POU2F1: variants seen among roughly 807,000 people sequenced by gnomAD.
POU2F1 encodes the protein POU domain, class 2, transcription factor 1.
POU2F1 carries 16 observed loss-of-function variants against 84.9 expected under a neutral mutation model. The observed-to-expected ratio is 0.19, with a 90% CI of 0.13 to 0.29. The LOEUF (loss-of-function observed/expected upper bound fraction) is 0.29, where lower values mean the gene tolerates loss of function less well. Among genes scored for constraint, POU2F1 ranks in the 10% least tolerant of loss-of-function variants. The pLI is 1.00. For missense variants in POU2F1, 738 were observed against 942.6 expected, an observed-to-expected ratio of 0.78 and a Z score of 2.84; for synonymous variants, 368 against 368.3, an observed-to-expected ratio of 1.00 and a Z score of 0.01.
chr1:167,396,150 G>A lies in POU2F1; in HGVS notation c.988-136G>A, dbSNP rs1227581655. On this transcript the variant is annotated intron_variant, in intron 9 of 15. Coordinates refer to ENST00000367866, the MANE Select transcript of POU2F1 (RefSeq NM_002697.4). Reference sequence around the variant, plus strand: ...TGGCTTAGGGATGGAGTTTATGTGGGACCCCGTAAGTGGAATAATTACTGA... The same window carrying A: ...TGGCTTAGGGATGGAGTTTATGTGGAACCCCGTAAGTGGAATAATTACTGA... The A allele has an allele frequency of 4.0e-6, 4 of 990,770 alleles. No individual in the cohort carries two copies. The African/African-American group carries it at 6.5e-5, about 16-fold the overall frequency. The allele number at this position is 990,770 out of a possible 1,614,324, so 61.4% of individuals were successfully genotyped here.
chr1:167,242,941 C>T (rs1445084193), intron 1 of POU2F1, among the ~76,000 whole-genome samples: 1 of 152,024 alleles, frequency 6.6e-6, no homozygotes, highest in East Asian at 1.9e-4. Context: ...CCTCCCCCTC[C>T]TTCCACCTGC....
intron 1 of POU2F1, among the ~76,000 whole-genome samples, chr1:167,305,508 T>TA: frequency 6.6e-6 from 1 of 152,350 alleles, no homozygotes; most frequent in South Asian, 2.1e-4. Flanking sequence ...CTGAATGTGA[T>TA]ATTTAAAATA....
chr1:167,378,785 T>G (rs2101866853), intron 7 of POU2F1, among the ~76,000 whole-genome samples: 1 of 152,204 alleles, frequency 6.6e-6, no homozygotes, highest in African/African-American at 2.4e-5. Context: ...TCTATTTGTT[T>G]GTTTGTTTTT....
intron 2 of POU2F1, among the ~76,000 whole-genome samples, chr1:167,358,751 A>C (rs1273965384): frequency 5.9e-5 from 5 of 84,106 alleles, no homozygotes; most frequent in African/African-American, 3.4e-4. Flanking sequence ...ACAGGTTCTG[A>C]CTGTGCTGCT....
intron 6 of POU2F1, 89 bp downstream of exon 6, chr1:167,374,385 G>A (rs1660193494): frequency 1.5e-6 from 2 of 1,315,560 alleles, no homozygotes; most frequent in Non-Finnish European, 1.0e-6. Context: ...TTGATTGTTA[G>A]TGTGGGGCCT....
At chr1:167,356,754 A>G (rs116226303) in intron 2 of POU2F1, among the ~76,000 whole-genome samples, 2 of 152,156 alleles carry the variant, frequency 1.3e-5, no homozygotes, top group African/African-American at 4.8e-5. Context: ...AAGAGTCCCA[A>G]GCAGGCACCG....
intron 1 of POU2F1, among the ~76,000 whole-genome samples, chr1:167,259,452 A>T (rs1478166565): frequency 6.6e-6 from 1 of 152,148 alleles, no homozygotes; most frequent in Non-Finnish European, 1.5e-5. Context: ...GCCACAGTTG[A>T]TTTAGTCGTT....
chr1:167,252,712 C>T (rs1342369802), intron 1 of POU2F1, among the ~76,000 whole-genome samples: 2 of 152,170 alleles, frequency 1.3e-5, no homozygotes, highest in African/African-American at 2.4e-5. Context: ...TGTCCTACAG[C>T]AGTGAAATGA....
chr1:167,329,666 A>G (rs886181804), intron 1 of POU2F1, among the ~76,000 whole-genome samples: 15 of 152,290 alleles, frequency 9.8e-5, no homozygotes, highest in Middle Eastern at 3.4e-3. Context: ...TATAATATAT[A>G]CATATTAATA....
At chr1:167,400,442 T>G (rs1649130431) in intron 12 of POU2F1, among the ~76,000 whole-genome samples, 2 of 152,250 alleles carry the variant, frequency 1.3e-5, no homozygotes, top group African/African-American at 4.8e-5. Flanking sequence ...ATCTTGTTAC[T>G]TTTTATTCAT....
At chr1:167,414,335 C>T in intron 15 of POU2F1, 3 of 985,298 alleles carry the variant, frequency 3.0e-6, no homozygotes, top group Non-Finnish European at 3.6e-6. Context: ...TTCCCTAGGG[C>T]ATGATTGACA....
At chr1:167,362,769 G>T (rs1184567266) in intron 2 of POU2F1, among the ~76,000 whole-genome samples, 1 of 152,078 alleles carries the variant, frequency 6.6e-6, no homozygotes, top group Non-Finnish European at 1.5e-5. Context: ...GAGGGCTTTG[G>T]GACCACCTAG....
At chr1:167,364,540 A>G (rs1160270479) in intron 2 of POU2F1, among the ~76,000 whole-genome samples, 1 of 143,366 alleles carries the variant, frequency 7.0e-6, no homozygotes, top group African/African-American at 2.6e-5. Flanking sequence ...AAAAAAAAAA[A>G]AAAAAGCTCT....
At chr1:167,254,638 A>C (rs773203406) in intron 1 of POU2F1, among the ~76,000 whole-genome samples, 16 of 152,244 alleles carry the variant, frequency 1.1e-4, no homozygotes, top group Non-Finnish European at 1.9e-4. Context: ...TGATGCTATA[A>C]TCAGAAACAT....
intron 2 of POU2F1, among the ~76,000 whole-genome samples, chr1:167,363,944 T>C (rs1659502941): frequency 6.6e-6 from 1 of 152,230 alleles, no homozygotes; most frequent in South Asian, 2.1e-4. Flanking sequence ...TTTGTGCTCT[T>C]CTGACTGGTT....
intron 2 of POU2F1, among the ~76,000 whole-genome samples, chr1:167,335,500 A>G (rs756929998): frequency 1.3e-5 from 2 of 152,190 alleles, no homozygotes; most frequent in African/African-American, 4.8e-5. Flanking sequence ...GACTCTGAAC[A>G]TGAAAAAGAC....
chr1:167,290,297 T>G (rs1040147280), intron 1 of POU2F1, among the ~76,000 whole-genome samples: 1 of 152,096 alleles, frequency 6.6e-6, no homozygotes, highest in Non-Finnish European at 1.5e-5. Context: ...CTTGGGAGGC[T>G]GAGGTGAGAG....
chr1:167,352,140 A>T (rs1658625585), intron 2 of POU2F1, among the ~76,000 whole-genome samples: 1 of 152,240 alleles, frequency 6.6e-6, no homozygotes, highest in Non-Finnish European at 1.5e-5. Context: ...ATCACAACTT[A>T]ATGGTAATAC....
chr1:167,351,118 T>C (rs1354311185), intron 2 of POU2F1, among the ~76,000 whole-genome samples: 1 of 152,146 alleles, frequency 6.6e-6, no homozygotes, highest in East Asian at 1.9e-4. Flanking sequence ...TTTGGGAGGC[T>C]GAGGTGGGTG....
Sources: allele counts gnomAD v4.1 joint callset (sites outside exome capture counted in the v4.1 genomes callset), GRCh38; gene constraint gnomAD v4.1.1; transcripts MANE v1.5; gene names NCBI Gene and HGNC (gene_info 2026-07-23, HGNC 2026-07-21).